Variants in MYT1L observed in about 807,000 individuals in gnomAD.
MYT1L encodes the protein myelin transcription factor 1 like.
MYT1L carries 12 observed loss-of-function variants against 126.7 expected under a neutral mutation model. That is an observed-to-expected ratio of 0.09 (90% CI 0.06 to 0.15). MYT1L has a LOEUF of 0.15. Among genes scored for constraint, MYT1L ranks in the 10% least tolerant of loss-of-function variants. MYT1L has a pLI of 1.00. For synonymous variants in MYT1L, 541 were observed against 604.2 expected, an observed-to-expected ratio of 0.90 and a Z score of 1.53; for missense variants, 979 against 1,585.2, an observed-to-expected ratio of 0.62 and a Z score of 6.49.
chr2:2,110,832 G>A (rs1220741102), intron 3 of MYT1L, among the ~76,000 whole-genome samples: 2 of 152,052 alleles, frequency 1.3e-5, no homozygotes, highest in East Asian at 1.9e-4. Context: ...ACGCTTATGG[G>A]GGGCAGTATG....
Position 2,302,399 on chromosome 2 carries a change from T to C in MYT1L, c.-520-17896A>G, listed in dbSNP as rs949625704. 2.6e-5 allele frequency among the ~76,000 whole-genome samples: 4 copies of C among 152,334 alleles called. No individual in the cohort carries two copies. In the South Asian group the frequency reaches 8.3e-4, roughly 32 times the overall value. On this transcript the variant is annotated intron_variant, in intron 1 of 24. Coordinates refer to ENST00000647738, the MANE Select transcript of MYT1L (RefSeq NM_001303052.2). Reference sequence around the variant, plus strand: ...TATGATTTTGGTTTGTTCTTTTATGTGAGTTTGTTCATCTATATAAGGTGA... The same window carrying C: ...TATGATTTTGGTTTGTTCTTTTATGCGAGTTTGTTCATCTATATAAGGTGA...
intron 3 of MYT1L, among the ~76,000 whole-genome samples, chr2:2,103,823 G>T (rs2078412818): frequency 6.6e-6 from 1 of 152,172 alleles, no homozygotes; most frequent in Non-Finnish European, 1.5e-5. Context: ...GTCAGATTTG[G>T]GTGACATACA....
chr2:2,003,030 C>T (rs891749620), intron 4 of MYT1L, among the ~76,000 whole-genome samples: 2 of 152,164 alleles, frequency 1.3e-5, no homozygotes, highest in Admixed American at 6.5e-5. Flanking sequence ...GTCCTTGTAG[C>T]AGCATGAGAA....
At chr2:2,166,510 A>G (rs1317541824) in intron 3 of MYT1L, among the ~76,000 whole-genome samples, 1 of 152,250 alleles carries the variant, frequency 6.6e-6, no homozygotes, top group East Asian at 1.9e-4. Context: ...CAGAGCTGTT[A>G]TTCTCTGGCT....
chr2:2,037,036 G>A (rs975787106), intron 4 of MYT1L, among the ~76,000 whole-genome samples: 1 of 152,164 alleles, frequency 6.6e-6, no homozygotes, highest in Non-Finnish European at 1.5e-5. Flanking sequence ...GGTCCTTCCT[G>A]TTCCCTCTGC....
At chr2:1,849,317 C>T (rs904474762) in intron 19 of MYT1L, among the ~76,000 whole-genome samples, 2 of 151,402 alleles carry the variant, frequency 1.3e-5, no homozygotes, top group Non-Finnish European at 2.9e-5. Flanking sequence ...ATGGAATGTT[C>T]TTGTCTTTGT....
At chr2:2,138,407 C>A (rs112222067) in intron 3 of MYT1L, among the ~76,000 whole-genome samples, 4 of 137,962 alleles carry the variant, frequency 2.9e-5, no homozygotes, top group African/African-American at 8.2e-5. Flanking sequence ...ATGTTTATTG[C>A]GGCACTATTC....
chr2:1,840,653 T>C (rs973794872), intron 20 of MYT1L, 107 bp downstream of exon 20: 1 of 817,914 alleles, frequency 1.2e-6, no homozygotes. Flanking sequence ...GAATGGCCAC[T>C]AAGACCCGCT....
chr2:2,266,963 G>A (rs1034328628), intron 2 of MYT1L, among the ~76,000 whole-genome samples: 4 of 152,156 alleles, frequency 2.6e-5, no homozygotes, highest in Non-Finnish European at 4.4e-5. Flanking sequence ...GAGCGTCTTC[G>A]TTAGCAGCAT....
chr2:1,963,055 C>A (rs568795673), intron 8 of MYT1L, among the ~76,000 whole-genome samples: 1 of 152,276 alleles, frequency 6.6e-6, no homozygotes, highest in African/African-American at 2.4e-5. Flanking sequence ...GCAGATGTAG[C>A]CTCATGAAAT....
chr2:2,093,268 A>G (rs2077079218), intron 3 of MYT1L, among the ~76,000 whole-genome samples: 1 of 134,226 alleles, frequency 7.5e-6, no homozygotes. Flanking sequence ...TCAATGAGCC[A>G]GTATGCAAGA....
chr2:2,324,463 G>A (rs533073312), intron 1 of MYT1L: 3 of 152,702 alleles, frequency 2.0e-5, no homozygotes, highest in Non-Finnish European at 4.4e-5. Flanking sequence ...CCCAGGCAAG[G>A]GGCCACTTCT....
At chr2:1,867,828 A>G (rs998638234) in intron 18 of MYT1L, among the ~76,000 whole-genome samples, 2 of 152,196 alleles carry the variant, frequency 1.3e-5, no homozygotes, top group African/African-American at 4.8e-5. Flanking sequence ...ATTCTCCATT[A>G]ATTTGTTTCC....
rs78067364 is a variant in MYT1L at position 1,801,605 on chromosome 2, G to A, written c.3276+91C>T. 65 of 777,752 alleles carry A rather than the reference G, an allele frequency of 8.4e-5. No homozygotes were observed. The highest frequency in any genetic ancestry group is 4.7e-4 in the Middle Eastern group (2 of 4,280). The allele number at this position is 777,752 out of a possible 1,614,324, so 48.2% of individuals were successfully genotyped here. ...AATAAAAGAGCAAATAAGAGGAAAC[G>A]ACAGCTCTCCTAAAAGCTGATTTCA... On this transcript the variant is annotated intron_variant, in intron 23 of 24. Transcript: ENST00000647738. The surrounding 1 kb of genome is among the most constrained non-coding windows in gnomAD (Gnocchi z 4.2).
rs73913418 is a variant in MYT1L, at chr2:1,820,243, T to G, written c.3081-11076A>C. On this transcript the variant is annotated intron_variant, in intron 21 of 24. Coordinates refer to ENST00000647738, the MANE Select transcript of MYT1L (RefSeq NM_001303052.2). ...AATACTGAGTGTGCAATCATTTTCC[T>G]AAGAGTTTTGAAGGCATTGTTCTAT... Among the ~76,000 whole-genome samples the G allele has an allele frequency of 3.3e-5, 5 of 152,334 alleles. No homozygotes were observed. In the South Asian group the frequency reaches 1.0e-3, roughly 32 times the overall value.
intron 18 of MYT1L, among the ~76,000 whole-genome samples, chr2:1,862,028 A>T (rs1438945916): frequency 6.7e-6 from 1 of 149,752 alleles, no homozygotes; most frequent in Non-Finnish European, 1.5e-5. Flanking sequence ...CTCGGGGGTT[A>T]CCTGATGTTT....
intron 10 of MYT1L, among the ~76,000 whole-genome samples, chr2:1,921,001 C>T (rs752586847): frequency 2.6e-5 from 4 of 152,228 alleles, no homozygotes; most frequent in Admixed American, 6.5e-5. Flanking sequence ...TTGGCTGTAG[C>T]GATGCCTAGC....
At chr2:2,102,128 G>A (rs371713399) in intron 3 of MYT1L, among the ~76,000 whole-genome samples, 11 of 152,300 alleles carry the variant, frequency 7.2e-5, no homozygotes, top group South Asian at 4.1e-4. Context: ...CCACTGGGGG[G>A]AAGCTGTTTT....
chr2:1,911,184 C>A (rs2051918413), intron 12 of MYT1L, among the ~76,000 whole-genome samples: 2 of 152,164 alleles, frequency 1.3e-5, no homozygotes, highest in South Asian at 2.1e-4. Context: ...AGATTAAACA[C>A]CTGAATGTCT....
Sources: gnomAD v4.1 joint callset for allele counts (sites outside exome capture counted in the v4.1 genomes callset) on GRCh38, gnomAD v4.1.1 for gene constraint, Gnocchi (gnomAD v3.1) non-coding constraint, MANE v1.5 for transcripts, NCBI Gene and HGNC (gene_info 2026-07-23, HGNC 2026-07-21) for gene names.